AOPEP: variants seen among roughly 807,000 people sequenced by gnomAD.
AOPEP encodes the protein aminopeptidase O (putative), also known as aminopeptidase O.
AOPEP carries 77 observed loss-of-function variants against 98.1 expected under a neutral mutation model. The ratio of observed to expected loss-of-function variants is 0.78; its 90% CI spans 0.65 to 0.95. The LOEUF (loss-of-function observed/expected upper bound fraction) is 0.95. Ranked by LOEUF, AOPEP falls within the 40% of genes least tolerant of loss-of-function variation. AOPEP has a pLI of 0.00. For missense variants in AOPEP, 1,024 were observed against 1,024.7 expected, an observed-to-expected ratio of 1.00 and a Z score of 0.01; for synonymous variants, 346 against 365.3, an observed-to-expected ratio of 0.95 and a Z score of 0.60.
At position 94,930,805 on chromosome 9, in the gene AOPEP, G is replaced by A. The variant is rs560131862; in HGVS notation, c.1661+2274G>A. 6.6e-6 allele frequency among the ~76,000 whole-genome samples: 1 copy of A among 152,196 alleles called. No homozygotes were observed. Among genetic ancestry groups the A allele is most frequent in the African/African-American group, 2.4e-5 (1 of 41,518 alleles). On this transcript the variant is annotated intron_variant, in intron 7 of 16. Transcript: ENST00000375315. The surrounding 1 kb of genome is among the most constrained non-coding windows in gnomAD (Gnocchi z 4.5). ...GAGCATGGATGGGAAGTCAGGAAGC[G>A]GGGCTGGTAACTGTAGGCTCTGTGA...
chr9:94,741,780 A>G (rs1368258520), intron 1 of AOPEP, among the ~76,000 whole-genome samples: 1 of 152,172 alleles, frequency 6.6e-6, no homozygotes, highest in Non-Finnish European at 1.5e-5. Context: ...CTATTCCATC[A>G]CAGCTGAACT....
At position 94,773,114 on chromosome 9, in the gene AOPEP, T is replaced by C. The variant is rs151071633; in HGVS notation, c.910T>C (p.Phe304Leu). The change falls in exon 3 of 17, where the codon TTT (phenylalanine) becomes CTT (leucine). Residue 304 changes from phenylalanine to leucine, a missense_variant. Phe to Leu is a conservative substitution (Grantham distance 22). Transcript: ENST00000375315. ...GGCTACAGTTCGAGCAGCTGCATCT[T>C]TTGTTGTTTTAATGAGTGGGGAAAA... ...WQATVRAAASFVVLMSGENSA... is the reference protein window; with the variant it reads ...WQATVRAAASLVVLMSGENSA... 2.4e-5 allele frequency: 39 copies of C among 1,614,128 alleles called. No individual in the cohort carries two copies. In the African/African-American group the frequency reaches 3.7e-4, roughly 15 times the overall value.
intron 11 of AOPEP, among the ~76,000 whole-genome samples, chr9:94,983,696 G>A (rs750083384): frequency 6.6e-6 from 1 of 152,152 alleles, no homozygotes; most frequent in Non-Finnish European, 1.5e-5. Flanking sequence ...GCCCGCTCAC[G>A]ACTGTCGGTG....
intron 5 of AOPEP, among the ~76,000 whole-genome samples, chr9:94,862,145 TAACTTGA>T (rs1391929484): frequency 6.6e-6 from 1 of 152,228 alleles, no homozygotes; most frequent in Non-Finnish European, 1.5e-5. Flanking sequence ...CCTAACAGTT[TAACTTGA>T]AACACCTCAT....
At chr9:94,868,615 C>T (rs1167951719) in intron 5 of AOPEP, among the ~76,000 whole-genome samples, 1 of 152,156 alleles carries the variant, frequency 6.6e-6, no homozygotes, top group African/African-American at 2.4e-5. Flanking sequence ...ATTTCACTTA[C>T]AAAGCGTAGG....
chr9:94,770,959 T>A (rs1840731871), intron 2 of AOPEP, among the ~76,000 whole-genome samples: 1 of 152,284 alleles, frequency 6.6e-6, no homozygotes, highest in African/African-American at 2.4e-5. Flanking sequence ...TTCCTTTCCT[T>A]CTCCCTCTTC....
At chr9:94,793,640 G>A (rs1288739810) in intron 4 of AOPEP, among the ~76,000 whole-genome samples, 6 of 150,676 alleles carry the variant, frequency 4.0e-5, no homozygotes, top group East Asian at 3.9e-4. Context: ...TTGCGCCACC[G>A]CACTCCAGCC....
chr9:94,781,685 C>T (rs188511768), intron 3 of AOPEP, among the ~76,000 whole-genome samples: 29 of 151,010 alleles, frequency 1.9e-4, no homozygotes, highest in Admixed American at 8.5e-4. Flanking sequence ...CTCAGCCTCC[C>T]GAGTAGCTGG....
the AOPEP span, among the ~76,000 whole-genome samples, chr9:95,143,288 G>C: frequency 6.6e-6 from 1 of 152,176 alleles, no homozygotes; most frequent in Non-Finnish European, 1.5e-5. Flanking sequence ...CAATCTGGAA[G>C]CTATTTGAAC....
At chr9:94,747,530 A>G (rs1470162947) in intron 1 of AOPEP, among the ~76,000 whole-genome samples, 1 of 152,222 alleles carries the variant, frequency 6.6e-6, no homozygotes, top group Non-Finnish European at 1.5e-5. Context: ...GTAAAAGAAA[A>G]ATAAATAGGC....
downstream of AOPEP, among the ~76,000 whole-genome samples, chr9:95,088,080 T>G (rs552290954): frequency 6.6e-6 from 1 of 152,368 alleles, no homozygotes; most frequent in Admixed American, 6.5e-5. Context: ...TGGGACTGTA[T>G]AGCTGGCTGT....
rs1588406343 is a variant in AOPEP, at chr9:94,823,647, A to C, written c.1364+22645A>C. On this transcript the variant is annotated intron_variant, in intron 5 of 16. Coordinates refer to ENST00000375315, the MANE Select transcript of AOPEP (RefSeq NM_001193329.3). ...CCTTGGCTCTTCCCCGGGTTCCCAC[A>C]CCAGGCTGAGTGGAAGGAGGTGTAG... 2.0e-5 allele frequency among the ~76,000 whole-genome samples: 3 copies of C among 152,242 alleles called. 1 individual carries two copies.
the AOPEP span, among the ~76,000 whole-genome samples, chr9:95,095,467 G>A: frequency 6.6e-5 from 10 of 152,204 alleles, no homozygotes; most frequent in Non-Finnish European, 1.5e-4. Flanking sequence ...CTGATGTGTA[G>A]AAGAGCTTTA....
chr9:94,840,035 T>G (rs2042098746), intron 5 of AOPEP, among the ~76,000 whole-genome samples: 1 of 152,234 alleles, frequency 6.6e-6, no homozygotes, highest in South Asian at 2.1e-4. Flanking sequence ...CTCAAAGTGC[T>G]GGGATTACAG....
intron 13 of AOPEP, among the ~76,000 whole-genome samples, chr9:95,059,745 C>T (rs1168347356): frequency 1.3e-5 from 2 of 152,152 alleles, no homozygotes; most frequent in Non-Finnish European, 2.9e-5. Flanking sequence ...ATGATCTGCA[C>T]ATACACAGGG....
intron 5 of AOPEP, among the ~76,000 whole-genome samples, chr9:94,835,476 C>T (rs914543897): frequency 6.6e-6 from 1 of 152,134 alleles, no homozygotes; most frequent in Non-Finnish European, 1.5e-5. Context: ...AGAAAATTTG[C>T]AACCATCAAA....
intron 1 of AOPEP, among the ~76,000 whole-genome samples, chr9:94,732,710 A>G (rs1436200146): frequency 2.0e-5 from 3 of 152,200 alleles, no homozygotes; most frequent in Non-Finnish European, 4.4e-5. Context: ...CAAAGGAGAA[A>G]TGGGTTGTTC....
At chr9:94,908,742 G>C (rs1274216790) in intron 5 of AOPEP, among the ~76,000 whole-genome samples, 1 of 152,132 alleles carries the variant, frequency 6.6e-6, no homozygotes, top group Non-Finnish European at 1.5e-5. Flanking sequence ...CCCATGCAAA[G>C]TTTAAAAATC....
chr9:94,854,986 A>G (rs1451056001), intron 5 of AOPEP, among the ~76,000 whole-genome samples: 2 of 152,266 alleles, frequency 1.3e-5, no homozygotes, highest in Non-Finnish European at 2.9e-5. Context: ...GTCAGATTCT[A>G]TACATACTCT....
Sources: gnomAD v4.1 joint callset for allele counts (sites outside exome capture counted in the v4.1 genomes callset) on GRCh38, gnomAD v4.1.1 for gene constraint, Gnocchi (gnomAD v3.1) non-coding constraint, MANE v1.5 for transcripts, NCBI Gene and HGNC (gene_info 2026-07-23, HGNC 2026-07-21) for gene names.